TUSC3: variants seen among roughly 807,000 people sequenced by gnomAD.
TUSC3 encodes dolichyl-diphosphooligosaccharide--protein glycosyltransferase subunit TUSC3.
Under a neutral mutation model 44.8 loss-of-function variants are expected in TUSC3, and 45 were observed. The observed-to-expected ratio is 1.00, with a 90% CI of 0.79 to 1.29. The LOEUF is 1.29. TUSC3 is among the 50% of genes most tolerant of loss of function. The probability of loss-of-function intolerance (pLI) is 0.00; values close to 1 mark genes in which losing one functional copy is unlikely to be tolerated. For missense variants in TUSC3, 519 were observed against 437.9 expected (o/e 1.19, Z -1.65); for synonymous variants, 212 against 152.9 (o/e 1.39, Z -2.85).
intron 1 of TUSC3, among the ~76,000 whole-genome samples, chr8:15,577,987 C>G (rs1024417462): frequency 1.3e-5 from 2 of 149,426 alleles, no homozygotes; most frequent in African/African-American, 4.9e-5. Flanking sequence ...TCTTTTATTT[C>G]CTTGAGCAGT....
rs565834566 is a variant in TUSC3, at chr8:15,466,372, C to T, written n.92-17014C>T. ...CTTAATACTCAAAGCAATTACATGACTTTCTATACCTTAGAACCTAATGTA... is the reference window on the plus strand; with the variant it reads ...CTTAATACTCAAAGCAATTACATGATTTTCTATACCTTAGAACCTAATGTA... On this transcript the variant is annotated intron_variant and non_coding_transcript_variant, in intron 1 of 5. Coordinates refer to the TUSC3 transcript ENST00000503191. Among the ~76,000 whole-genome samples the T allele has an allele frequency of 5.9e-5, 9 of 152,226 alleles. No homozygotes were observed. In the South Asian group the frequency reaches 1.9e-3, roughly 32 times the overall value.
At chr8:15,573,771 G>C (rs111858357) in intron 1 of TUSC3, among the ~76,000 whole-genome samples, 1 of 152,064 alleles carries the variant, frequency 6.6e-6, no homozygotes, top group Non-Finnish European at 1.5e-5. Context: ...GCTTCTGAAG[G>C]CTGATTTTTT....
At chr8:15,602,718 G>A (rs1370963654) in intron 1 of TUSC3, among the ~76,000 whole-genome samples, 1 of 150,660 alleles carries the variant, frequency 6.6e-6, no homozygotes, top group Non-Finnish European at 1.5e-5. Flanking sequence ...ATGTATACGT[G>A]TGTATACATA....
At chr8:15,663,132 CTCTT>C (rs974860017) in intron 5 of TUSC3, among the ~76,000 whole-genome samples, 22 of 151,800 alleles carry the variant, frequency 1.4e-4, no homozygotes, top group African/African-American at 5.1e-4. Flanking sequence ...AAAATAAAAT[CTCTT>C]TCACAATAGG....
At chr8:15,833,283 T>C in the TUSC3 span, among the ~76,000 whole-genome samples, 1 of 152,134 alleles carries the variant, frequency 6.6e-6, no homozygotes, top group African/African-American at 2.4e-5. Context: ...AGTTCAACCA[T>C]TGTGGAAAAC....
intron 3 of TUSC3, among the ~76,000 whole-genome samples, chr8:15,658,672 T>C (rs1440913524): frequency 1.2e-4 from 17 of 143,336 alleles, no homozygotes; most frequent in African/African-American, 3.6e-4. Context: ...ATACAATATA[T>C]ATACACATAC....
At chr8:15,522,867 T>A (rs1801316476) in intron 2 of TUSC3, among the ~76,000 whole-genome samples, 1 of 152,166 alleles carries the variant, frequency 6.6e-6, no homozygotes, top group Non-Finnish European at 1.5e-5. Flanking sequence ...TACACAAATG[T>A]GCTATGTCAG....
intron 1 of TUSC3, among the ~76,000 whole-genome samples, chr8:15,550,558 C>T (rs904056435): frequency 6.6e-6 from 1 of 151,702 alleles, no homozygotes; most frequent in African/African-American, 2.4e-5. Flanking sequence ...CTGTCAGGGT[C>T]TTACCCTCCT....
intron 1 of TUSC3, among the ~76,000 whole-genome samples, chr8:15,610,062 G>A (rs940669447): frequency 1.3e-5 from 2 of 151,736 alleles, no homozygotes; most frequent in African/African-American, 4.8e-5. Context: ...TGTTTATATG[G>A]TTTAACTATT....
intron 5 of TUSC3, 58 bp from the exon 6 acceptor site, chr8:15,673,689 A>T: frequency 7.6e-7 from 1 of 1,321,916 alleles, no homozygotes; most frequent in Non-Finnish European, 1.1e-6. Context: ...TCTTTTAGAA[A>T]TGCATTATTC....
At chr8:15,719,720 CTTA>C (rs1810221774) in intron 6 of TUSC3, among the ~76,000 whole-genome samples, 1 of 152,094 alleles carries the variant, frequency 6.6e-6, no homozygotes, top group Non-Finnish European at 1.5e-5. Context: ...AAAACTTTAA[CTTA>C]TTATAACTAC....
intron 2 of TUSC3, among the ~76,000 whole-genome samples, chr8:15,645,169 A>C (rs1483645662): frequency 6.6e-6 from 1 of 152,132 alleles, no homozygotes; most frequent in Non-Finnish European, 1.5e-5. Context: ...AGCATTCTCA[A>C]ATAGTATTTT....
intron 9 of TUSC3, among the ~76,000 whole-genome samples, chr8:15,757,263 A>G (rs1372551474): frequency 6.6e-6 from 1 of 152,216 alleles, no homozygotes; most frequent in African/African-American, 2.4e-5. Context: ...ATTGTCTTAA[A>G]ACGAAACTGA....
At position 15,564,391 on chromosome 8, in the gene TUSC3, T is replaced by G. The variant is rs780099224; in HGVS notation, c.138+23823T>G. Among the ~76,000 whole-genome samples, 13 of 152,176 alleles carry G rather than the reference T, an allele frequency of 8.5e-5. 1 individual carries two copies. The highest frequency in any genetic ancestry group is 2.6e-4 in the Admixed American group (4 of 15,274). ...TCATCCAGCTGTCAACAGAGTAGTA[T>G]TATAAAAAAGAAAATTGTGGAATCC... On this transcript the variant is annotated intron_variant, in intron 1 of 10. Transcript: ENST00000503731.
chr8:15,500,378 CCCATAGA>C (rs1800943407), intron 2 of TUSC3, among the ~76,000 whole-genome samples: 1 of 152,166 alleles, frequency 6.6e-6, no homozygotes. Flanking sequence ...CACCAAAGGT[CCCATAGA>C]CTATTTTCCC....
chr8:15,639,781 C>CA (rs1563148397), intron 2 of TUSC3, among the ~76,000 whole-genome samples: 3 of 48,358 alleles, frequency 6.2e-5, no homozygotes, highest in Admixed American at 8.5e-4. Flanking sequence ...GCATAAGAGT[C>CA]GTTTTTTTTT....
chr8:15,693,530 T>A (rs921216882), intron 6 of TUSC3, among the ~76,000 whole-genome samples: 3 of 151,220 alleles, frequency 2.0e-5, no homozygotes, highest in African/African-American at 7.3e-5. Flanking sequence ...TTAAGCCTTA[T>A]TGGGGGTTTC....
the TUSC3 span, among the ~76,000 whole-genome samples, chr8:15,773,333 T>C: frequency 4.6e-5 from 7 of 151,886 alleles, no homozygotes; most frequent in African/African-American, 1.7e-4. Flanking sequence ...CAATGAAGAG[T>C]CTGAAAAAGG....
At chr8:15,540,100 A>T (rs1801622371), upstream of TUSC3, 2 of 293,864 alleles carry the variant, frequency 6.8e-6, no homozygotes, top group Non-Finnish European at 1.3e-5. Context: ...TTGAGGTCCC[A>T]GGGCCAAAGG....
Sources: gnomAD v4.1 joint callset for allele counts (sites outside exome capture counted in the v4.1 genomes callset) on GRCh38, gnomAD v4.1.1 for gene constraint, MANE v1.5 for transcripts, NCBI Gene and HGNC (gene_info 2026-07-23, HGNC 2026-07-21) for gene names.